The following ELOVL2 variants were observed in gnomAD, a reference collection of about 807,000 sequenced individuals.
ELOVL2 encodes very long chain fatty acid elongase 2.
ELOVL2 carries 38 observed loss-of-function variants against 37.7 expected under a neutral mutation model. The ratio of observed to expected loss-of-function variants is 1.01; its 90% CI spans 0.78 to 1.32. The LOEUF (loss-of-function observed/expected upper bound fraction) is 1.32. ELOVL2 is among the 40% of genes most tolerant of loss of function. ELOVL2 has a pLI of 0.00. For synonymous variants in ELOVL2, 115 were observed against 122.3 expected (o/e 0.94, Z 0.40); for missense variants, 352 against 363.6 (o/e 0.97, Z 0.26).
intron 3 of ELOVL2, among the ~76,000 whole-genome samples, chr6:11,003,781 T>C (rs1782430548): frequency 6.6e-6 from 1 of 152,202 alleles, no homozygotes; most frequent in Admixed American, 6.5e-5. Context: ...ACCTATGTGA[T>C]ATAATTTTAA....
chr6:10,985,261 G>A (rs1265471843), intron 7 of ELOVL2, among the ~76,000 whole-genome samples: 1 of 151,614 alleles, frequency 6.6e-6, no homozygotes. Flanking sequence ...CTGGATATTA[G>A]CCCTTTGTCA....
rs553093243 is a variant in ELOVL2, at chr6:11,034,763, G to A, written c.3+9465C>T. Among the ~76,000 whole-genome samples, 3 of 152,056 alleles carry A rather than the reference G, an allele frequency of 2.0e-5. No homozygotes were observed. In the South Asian group the frequency reaches 6.2e-4, roughly 32 times the overall value. Reference sequence around the variant, plus strand: ...CAGGCCTGTAATCCCAGCACTTTGGGAGGCCGAGGCGGGTGGATCACCTGA... The same window carrying A: ...CAGGCCTGTAATCCCAGCACTTTGGAAGGCCGAGGCGGGTGGATCACCTGA... On this transcript the variant is annotated intron_variant, in intron 1 of 7. Transcript: ENST00000354666.
In ELOVL2 at chr6:11,037,022, G is replaced by A. The variant is rs556275802; in HGVS notation, c.3+7206C>T. ...GCAGAGAGGGAGAGAGAGACAGAGA[G>A]GGAGAGAGAGACAGAGGAAGAGAGG... On this transcript the variant is annotated intron_variant, in intron 1 of 7. Transcript: ENST00000354666. Among the ~76,000 whole-genome samples the A allele has an allele frequency of 2.0e-5, 3 of 150,518 alleles. No individual in the cohort carries two copies. In the South Asian group the frequency reaches 6.4e-4, roughly 32 times the overall value.
chr6:10,984,588 C>A (rs1346765264), intron 7 of ELOVL2, among the ~76,000 whole-genome samples: 1 of 145,424 alleles, frequency 6.9e-6, no homozygotes, highest in African/African-American at 2.6e-5. Flanking sequence ...TCAATTCCCA[C>A]CTATGAGTGA....
At chr6:11,005,592 G>A in intron 2 of ELOVL2, 33 bp from the exon 3 acceptor site, 3 of 1,570,748 alleles carry the variant, frequency 1.9e-6, no homozygotes, top group Non-Finnish European at 2.6e-6. Context: ...AGGATCCTGA[G>A]GAATGATGCT....
intron 1 of ELOVL2, among the ~76,000 whole-genome samples, chr6:11,020,442 A>C (rs1401958498): frequency 1.3e-5 from 2 of 152,236 alleles, no homozygotes; most frequent in African/African-American, 4.8e-5. Flanking sequence ...CTTGAAGTTC[A>C]CATTACATAT....
chr6:10,990,617 CACCAAAA>C lies in ELOVL2; in HGVS notation c.506-182_506-176del, dbSNP rs143571302. Reference sequence around the variant, plus strand: ...CAATTACTGTGCCAGTTCTAGGATTCACCAAAAACTCCATGATAGAAGGAGTAGCCTG... The same window carrying C: ...CAATTACTGTGCCAGTTCTAGGATTCACTCCATGATAGAAGGAGTAGCCTG... On this transcript the variant is annotated intron_variant, in intron 5 of 7. Coordinates refer to ENST00000354666, the MANE Select transcript of ELOVL2 (RefSeq NM_017770.4). Among the ~76,000 whole-genome samples the C allele has an allele frequency of 7.9e-3, 1,197 of 152,010 alleles. 19 individuals carry two copies. Among genetic ancestry groups the C allele is most frequent in the African/African-American group, 0.027 (1,114 of 41,390 alleles).
chr6:11,000,056 A>G, intron 4 of ELOVL2, 31 bp downstream of exon 4: 1 of 1,600,386 alleles, frequency 6.2e-7, no homozygotes, highest in Non-Finnish European at 8.6e-7. Context: ...GGAACTGGTT[A>G]TAGTTGGTTG....
chr6:11,024,823 A>G (rs996680924), intron 1 of ELOVL2, among the ~76,000 whole-genome samples: 3 of 152,250 alleles, frequency 2.0e-5, no homozygotes, highest in African/African-American at 7.2e-5. Flanking sequence ...TTTGGAAAGC[A>G]GGTTGGTTAA....
At chr6:11,036,911 A>ATT (rs3839413) in intron 1 of ELOVL2, among the ~76,000 whole-genome samples, 14 of 147,474 alleles carry the variant, frequency 9.5e-5, no homozygotes, top group Non-Finnish European at 1.6e-4. Context: ...GCATGAGTTA[A>ATT]TTTTTTTTTT....
chr6:10,990,479 G>A, intron 5 of ELOVL2, 37 bp from the exon 6 acceptor site: 1 of 1,537,224 alleles, frequency 6.5e-7, no homozygotes, highest in Non-Finnish European at 8.7e-7. Context: ...TATTCTTCCA[G>A]GAAGGACTGT....
chr6:11,008,495 C>T lies in ELOVL2; in HGVS notation c.67+2251G>A, dbSNP rs77136077. On this transcript the variant is annotated intron_variant, in intron 2 of 7. Coordinates refer to ENST00000354666, the MANE Select transcript of ELOVL2 (RefSeq NM_017770.4). ...TTGCATGCCTAAGCGAGAGTGCCCC[C>T]GGGGCCTGCATGCCTAACTAAGAGA... Among the ~76,000 whole-genome samples the T allele has an allele frequency of 3.0e-3, 455 of 152,108 alleles. 3 individuals are homozygous for T. The highest frequency in any genetic ancestry group is 0.021 in the South Asian group (100 of 4,816).
chr6:11,027,153 GCTTA>G (rs1252868362), intron 1 of ELOVL2, among the ~76,000 whole-genome samples: 20 of 152,202 alleles, frequency 1.3e-4, no homozygotes, highest in African/African-American at 4.6e-4. Flanking sequence ...CACTTCTTAA[GCTTA>G]CTGTCTATGT....
intron 1 of ELOVL2, among the ~76,000 whole-genome samples, chr6:11,036,564 CTGAG>C: frequency 6.6e-6 from 1 of 152,320 alleles, no homozygotes; most frequent in East Asian, 1.9e-4. Flanking sequence ...GCACAGCCAA[CTGAG>C]TATTTTTCTG....
intron 1 of ELOVL2, among the ~76,000 whole-genome samples, chr6:11,034,880 G>A (rs1009901540): frequency 1.3e-5 from 2 of 151,800 alleles, no homozygotes; most frequent in Admixed American, 6.6e-5. Context: ...GCATGCGCCT[G>A]TAATCCCAGC....
Position 10,990,430 on chromosome 6 carries a change from G to T in ELOVL2, c.518C>A (p.Pro173Gln). ...AATGTGGATAAAACTGTTCAGTGTT[G>T]GTCCAAAGAAACCTATAAAAGTACA... Reference protein sequence around the residue: ...WIPCGQSFFGPTLNSFIHILM... With the variant: ...WIPCGQSFFGQTLNSFIHILM... The change falls in exon 6 of 8, where the codon CCA becomes CAA. Residue 173 changes from proline (P) to glutamine (Q), a missense_variant. Coordinates refer to ENST00000354666, the MANE Select transcript of ELOVL2 (RefSeq NM_017770.4). 6.3e-7 allele frequency: 1 copy of T among 1,592,502 alleles called. No individual in the cohort carries two copies. The highest frequency in any genetic ancestry group is 1.2e-5 in the South Asian group (1 of 85,058).
At chr6:11,001,849 G>A (rs1020488644) in intron 3 of ELOVL2, among the ~76,000 whole-genome samples, 5 of 152,150 alleles carry the variant, frequency 3.3e-5, no homozygotes, top group African/African-American at 1.2e-4. Flanking sequence ...CTGTCAAATA[G>A]GGTTAGGTGT....
At chr6:11,034,320 T>G (rs191776710) in intron 1 of ELOVL2, among the ~76,000 whole-genome samples, 5 of 152,308 alleles carry the variant, frequency 3.3e-5, no homozygotes, top group African/African-American at 1.2e-4. Context: ...TCAAGACTCT[T>G]TAAAATTTGA....
chr6:11,030,032 G>A (rs904113432), intron 1 of ELOVL2, among the ~76,000 whole-genome samples: 7 of 152,126 alleles, frequency 4.6e-5, no homozygotes, highest in Non-Finnish European at 1.0e-4. Flanking sequence ...GACAATGCTG[G>A]GACATAGTAA....
Sources: allele counts gnomAD v4.1 joint callset (sites outside exome capture counted in the v4.1 genomes callset), GRCh38; gene constraint gnomAD v4.1.1; transcripts MANE v1.5; gene names NCBI Gene and HGNC (gene_info 2026-07-23, HGNC 2026-07-21).